Variants in GFRA1 observed in about 807,000 individuals in gnomAD.
GFRA1 encodes GDNF family receptor alpha 1, also known as GDNF family receptor alpha-1.
In GFRA1, 16 loss-of-function variants were observed where a neutral mutation model predicts 51.6. The ratio of observed to expected loss-of-function variants is 0.31; its 90% CI spans 0.21 to 0.47. The LOEUF (loss-of-function observed/expected upper bound fraction) is 0.47. GFRA1 is among the 20% of genes least tolerant of loss of function. GFRA1 has a pLI of 1.00. For missense variants in GFRA1, 530 were observed against 594.3 expected, an observed-to-expected ratio of 0.89 and a Z score of 1.13; for synonymous variants, 270 against 241.3, an observed-to-expected ratio of 1.12 and a Z score of -1.10.
At chr10:116,199,333 T>C (rs1964150617) in intron 5 of GFRA1, among the ~76,000 whole-genome samples, 1 of 152,194 alleles carries the variant, frequency 6.6e-6, no homozygotes, top group Non-Finnish European at 1.5e-5. Flanking sequence ...CCTCCTCCTC[T>C]GGGGTGGTCC....
chr10:116,082,326 C>T (rs184670716), intron 9 of GFRA1, among the ~76,000 whole-genome samples: 3 of 152,212 alleles, frequency 2.0e-5, no homozygotes, highest in Admixed American at 2.0e-4. Flanking sequence ...AGACCTAGTC[C>T]TTTTATTGCC....
chr10:116,165,150 G>A (rs1356949829), intron 5 of GFRA1, among the ~76,000 whole-genome samples: 1 of 152,140 alleles, frequency 6.6e-6, no homozygotes, highest in Non-Finnish European at 1.5e-5. Flanking sequence ...ATCAAGCAGA[G>A]CCTCAGTGTC....
chr10:116,234,926 A>G (rs1966850280), intron 4 of GFRA1, among the ~76,000 whole-genome samples: 1 of 152,174 alleles, frequency 6.6e-6, no homozygotes, highest in Admixed American at 6.5e-5. Flanking sequence ...TGATGGTTTT[A>G]TAAGAGGCTT....
chr10:116,224,356 G>C (rs530374891), intron 4 of GFRA1, among the ~76,000 whole-genome samples: 2 of 152,284 alleles, frequency 1.3e-5, no homozygotes, highest in South Asian at 2.1e-4. Context: ...ATACCCGAGA[G>C]AAATGAAAAC....
chr10:116,166,457 C>T (rs10749192), intron 5 of GFRA1, among the ~76,000 whole-genome samples: 150,622 of 152,242 alleles, frequency 0.99, 74,526 homozygotes, highest in East Asian at 1. Context: ...ACAACCGTTC[C>T]GTGGGACCAC....
intron 5 of GFRA1, among the ~76,000 whole-genome samples, chr10:116,210,157 G>T (rs977225033): frequency 6.6e-6 from 1 of 152,194 alleles, no homozygotes; most frequent in Non-Finnish European, 1.5e-5. Flanking sequence ...GACAGAGGCA[G>T]TCTGGTAAGC....
At chr10:116,105,727 A>G (rs1309645546) in intron 6 of GFRA1, among the ~76,000 whole-genome samples, 2 of 152,234 alleles carry the variant, frequency 1.3e-5, no homozygotes, top group African/African-American at 4.8e-5. Flanking sequence ...AGAGATTTCC[A>G]GCAACCACTG....
At chr10:116,271,252 C>T in intron 2 of GFRA1, 137 bp from the exon 3 acceptor site, 2 of 643,520 alleles carry the variant, frequency 3.1e-6, no homozygotes, top group South Asian at 3.9e-5. Context: ...GCGGGTCCAC[C>T]TCTCGACCAT....
intron 4 of GFRA1, among the ~76,000 whole-genome samples, chr10:116,244,265 ATAGAAACT>A (rs1242215810): frequency 1.2e-5 from 1 of 80,084 alleles, no homozygotes; most frequent in Non-Finnish European, 2.4e-5. Flanking sequence ...AGATAAAGGA[ATAGAAACT>A]ATAGAAACTT....
At position 116,140,136 on chromosome 10, in the gene GFRA1, T is replaced by C. The variant is rs570718938; in HGVS notation, c.434-14579A>G. On this transcript the variant is annotated intron_variant, in intron 5 of 10. Coordinates refer to ENST00000355422, the MANE Select transcript of GFRA1 (RefSeq NM_005264.8). Reference sequence around the variant, plus strand: ...TCCTAAGGTAGGAAATATGGTAGAATAGTTCCTAAGGTAGAAGTGTGAAGG... The same window carrying C: ...TCCTAAGGTAGGAAATATGGTAGAACAGTTCCTAAGGTAGAAGTGTGAAGG... Among the ~76,000 whole-genome samples the C allele has an allele frequency of 3.3e-5, 5 of 152,274 alleles. No homozygotes were observed. The East Asian group carries it at 9.7e-4, about 29-fold the overall frequency.
At chr10:116,073,602 A>C (rs1017923030) in intron 9 of GFRA1, among the ~76,000 whole-genome samples, 1 of 152,204 alleles carries the variant, frequency 6.6e-6, no homozygotes, top group African/African-American at 2.4e-5. Flanking sequence ...GTATAAAGGC[A>C]GCTAGGAGGG....
rs1211103622 is a variant in GFRA1, at chr10:116,063,640, C to G, written c.*758G>C. ...TGGACTTTTGTTAGGTAAAGGGCTT[C>G]TCACTCAGGTAAGGCTTAGGATTAG... On this transcript the variant is annotated 3_prime_UTR_variant, in exon 11 of 11. Transcript: ENST00000355422. 1 of 152,170 alleles carries G rather than the reference C, an allele frequency of 6.6e-6. No homozygotes were observed. Among genetic ancestry groups the G allele is most frequent in the Non-Finnish European group, 1.5e-5 (1 of 68,046 alleles). The allele number at this position is 152,170 out of a possible 1,614,324, so 9.4% of individuals were successfully genotyped here.
rs776595531 is a variant in GFRA1 at position 116,125,325 on chromosome 10, T to C, written c.666A>G (p.Thr222=). 2.7e-5 allele frequency: 44 copies of C among 1,613,996 alleles called. No individual in the cohort carries two copies. Among genetic ancestry groups the C allele is most frequent in the Non-Finnish European group, 3.6e-5 (43 of 1,179,936 alleles). The part of the protein sequence containing the change: ...LFCSCRDIAC[T]ERRRQTIVPV... ...GCACGATGGTCTGTCGCCTCCGCTC[T>C]GTGCAGGCGATGTCCCGGCAGGAGC... is the stretch of plus-strand genomic sequence containing the variant. The change falls in exon 6 of 11, where the codon ACA becomes ACG. Residue 222 remains threonine (T), a synonymous_variant. Transcript: ENST00000355422.
rs11197595 is a variant in GFRA1, at chr10:116,224,446, T to C, written c.419-12801A>G. On this transcript the variant is annotated intron_variant, in intron 4 of 10. Coordinates refer to ENST00000355422, the MANE Select transcript of GFRA1 (RefSeq NM_005264.8). ...CCAAAAAGTGGAAATAATACGAATG[T>C]CCATCAACTGACGAATGGATAAATA... Among the ~76,000 whole-genome samples the C allele has an allele frequency of 1.4e-4, 22 of 152,256 alleles. No homozygotes were observed. The East Asian group carries it at 3.9e-3, about 27-fold the overall frequency.
At chr10:116,157,022 GACA>G (rs1304621646) in intron 5 of GFRA1, among the ~76,000 whole-genome samples, 1 of 152,290 alleles carries the variant, frequency 6.6e-6, no homozygotes, top group African/African-American at 2.4e-5. Flanking sequence ...CAAATGATCA[GACA>G]ACAATGGACT....
At chr10:116,229,283 C>T (rs3858325) in intron 4 of GFRA1, among the ~76,000 whole-genome samples, 61,511 of 151,978 alleles carry the variant, frequency 0.4, 13,477 homozygotes, top group East Asian at 0.56. Context: ...ACAAGGAAAG[C>T]GATTACACAG....
chr10:116,261,598 A>G (rs2134762943), intron 4 of GFRA1, among the ~76,000 whole-genome samples: 1 of 152,320 alleles, frequency 6.6e-6, no homozygotes, highest in South Asian at 2.1e-4. Flanking sequence ...CCTTAAATAC[A>G]TTCTAGTTCA....
intron 4 of GFRA1, among the ~76,000 whole-genome samples, chr10:116,211,851 CACTT>C (rs1965219350): frequency 6.6e-6 from 1 of 152,202 alleles, no homozygotes; most frequent in South Asian, 2.1e-4. Context: ...CCTGGCCTCA[CACTT>C]ACTAACTCTG....
At chr10:116,111,890 G>T (rs1957227613) in intron 6 of GFRA1, among the ~76,000 whole-genome samples, 1 of 152,152 alleles carries the variant, frequency 6.6e-6, no homozygotes, top group Non-Finnish European at 1.5e-5. Context: ...TCCCCACGAG[G>T]CTGGGCTGGC....
Sources: gnomAD v4.1 joint callset for allele counts (sites outside exome capture counted in the v4.1 genomes callset) on GRCh38, gnomAD v4.1.1 for gene constraint, MANE v1.5 for transcripts, NCBI Gene and HGNC (gene_info 2026-07-23, HGNC 2026-07-21) for gene names.